Variants in ACAA2 observed in about 807,000 individuals in gnomAD.
The protein encoded by ACAA2 is acetyl-CoA acyltransferase 2, also known as 3-ketoacyl-CoA thiolase, mitochondrial.
Under a neutral mutation model 44.8 loss-of-function variants are expected in ACAA2, and 35 were observed. The observed-to-expected ratio is 0.78, with a 90% CI of 0.60 to 1.04. ACAA2 has a LOEUF of 1.04. Among genes scored for constraint, ACAA2 ranks in the 50% least tolerant of loss-of-function variants. The pLI is 0.00. For synonymous variants in ACAA2, 142 were observed against 166.5 expected (o/e 0.85, Z 1.13); for missense variants, 468 against 482.6 (o/e 0.97, Z 0.28).
chr18:49,787,996 G>GGAAGGTTTTATGAAGTA (rs1457443341), intron 7 of ACAA2, among the ~76,000 whole-genome samples: 2 of 152,108 alleles, frequency 1.3e-5, no homozygotes, highest in Non-Finnish European at 2.9e-5. Flanking sequence ...GGCACTTCAG[G>GGAAGGTTTTATGAAGTA]GAAGGTTTTA....
At chr18:49,784,247 T>G (rs1455397873) in intron 9 of ACAA2, among the ~76,000 whole-genome samples, 2 of 152,176 alleles carry the variant, frequency 1.3e-5, no homozygotes, top group African/African-American at 4.8e-5. Flanking sequence ...TTGTGTGTGT[T>G]ACGGGAAAGG....
chr18:49,799,216 C>T (rs1489111537), intron 2 of ACAA2, among the ~76,000 whole-genome samples: 1 of 152,096 alleles, frequency 6.6e-6, no homozygotes, highest in Non-Finnish European at 1.5e-5. Context: ...ACAGCTCTCC[C>T]TCTCCCCCTC....
At position 49,811,113 on chromosome 18, in the gene ACAA2, G is replaced by A. The variant is rs117907023; in HGVS notation, c.16+2356C>T. ...CTCATTTGAACACCCTGAAAATTCA[G>A]AGGCTAAAAATTTCCCAAAACTGAA... On this transcript the variant is annotated intron_variant, in intron 1 of 9. Transcript: ENST00000285093. Among the ~76,000 whole-genome samples, 1,168 of 151,040 alleles carry A rather than the reference G, an allele frequency of 7.7e-3. 9 individuals carry two copies. The highest frequency in any genetic ancestry group is 0.014 in the Non-Finnish European group (923 of 67,828).
intron 5 of ACAA2, among the ~76,000 whole-genome samples, chr18:49,793,874 C>T (rs1265208073): frequency 6.6e-6 from 1 of 152,082 alleles, no homozygotes; most frequent in Non-Finnish European, 1.5e-5. Context: ...TGGGTCTTTT[C>T]CAAATACATT....
chr18:49,789,180 T>TC lies in ACAA2; in HGVS notation c.884-1820dup, dbSNP rs1288540896. Among the ~76,000 whole-genome samples the TC allele has an allele frequency of 1.8e-4, 27 of 151,894 alleles. No individual in the cohort carries two copies. In the South Asian group the frequency reaches 2.7e-3, roughly 15 times the overall value. On this transcript the variant is annotated intron_variant, in intron 7 of 9. Transcript: ENST00000285093. ...TACTATTCTTTTCAAGTCATGGCTT[T>TC]CCCCGTTTTTTTTTGGTCTGCAGCT...
In ACAA2 at chr18:49,783,848, C is replaced by G. The variant is rs749234729; in HGVS notation, c.1193G>C (p.Ter398SerextTer4). 1 of 1,612,778 alleles carries G rather than the reference C, an allele frequency of 6.2e-7. No homozygotes were observed. Among genetic ancestry groups the G allele is most frequent in the Admixed American group, 1.7e-5 (1 of 60,020 alleles). Residue 398 changes from the stop codon to serine (S), a stop_lost, in exon 10 of 10, where the codon TGA (stop) becomes TCA (serine). Coordinates refer to ENST00000285093, the MANE Select transcript of ACAA2 (RefSeq NM_006111.3). ...GIAVIIQSTA[*>S] ...GTCACAGTGAGCTCACTGGTCTCTT[C>G]AGGCTGTGCTCTGAATGATGACAGC...
chr18:49,800,770 C>G (rs2023537823), intron 2 of ACAA2, among the ~76,000 whole-genome samples: 1 of 151,952 alleles, frequency 6.6e-6, no homozygotes, highest in Non-Finnish European at 1.5e-5. Flanking sequence ...CAGAAGGCCG[C>G]AGGGTCCTCT....
rs760617913 is a variant in ACAA2, at chr18:49,795,797, G to A, written c.397C>T (p.Arg133Cys). 10 of 1,608,236 alleles carry A rather than the reference G, an allele frequency of 6.2e-6. No individual in the cohort carries two copies. The highest frequency in any genetic ancestry group is 2.2e-5 in the East Asian group (1 of 44,648). Residue 133 changes from arginine (R) to cysteine (C), a missense_variant, in exon 4 of 10, where the codon CGT becomes TGT. By Grantham distance (180) the Arg-to-Cys change is radical. Coordinates refer to ENST00000285093, the MANE Select transcript of ACAA2 (RefSeq NM_006111.3). ...SQAPYCVRNV[R>C]FGTKLGSDIK... ...TCTGATCCAAGCTTGGTTCCAAAACGCACATTTCTGACACAGTAGGGAGCT... is the reference window on the plus strand; with the variant it reads ...TCTGATCCAAGCTTGGTTCCAAAACACACATTTCTGACACAGTAGGGAGCT...
At chr18:49,790,105 C>T (rs1253458963) in intron 7 of ACAA2, among the ~76,000 whole-genome samples, 1 of 152,178 alleles carries the variant, frequency 6.6e-6, no homozygotes, top group Non-Finnish European at 1.5e-5. Flanking sequence ...GCCATAACAA[C>T]ATACGGATGT....
chr18:49,808,957 G>A (rs571355106), intron 1 of ACAA2, among the ~76,000 whole-genome samples: 3 of 152,246 alleles, frequency 2.0e-5, no homozygotes, highest in Admixed American at 1.3e-4. Flanking sequence ...CAGGAGACCA[G>A]GGGGTATTTC....
chr18:49,790,709 C>T (rs1433715687), intron 7 of ACAA2, among the ~76,000 whole-genome samples: 1 of 152,110 alleles, frequency 6.6e-6, no homozygotes, highest in African/African-American at 2.4e-5. Flanking sequence ...GGAGTGCATC[C>T]AGCAAAAAGC....
chr18:49,805,752 T>A (rs191289617), intron 1 of ACAA2, among the ~76,000 whole-genome samples: 1 of 151,572 alleles, frequency 6.6e-6, no homozygotes, highest in Non-Finnish European at 1.5e-5. Context: ...AATTTTTACC[T>A]TTTTTTCTTT....
chr18:49,798,562 G>T (rs972864847), intron 2 of ACAA2, among the ~76,000 whole-genome samples: 1 of 151,604 alleles, frequency 6.6e-6, no homozygotes, highest in Non-Finnish European at 1.5e-5. Flanking sequence ...TTGACAAAAT[G>T]TAAAACATTG....
chr18:49,805,875 G>A (rs2023605481), intron 1 of ACAA2, among the ~76,000 whole-genome samples: 1 of 151,998 alleles, frequency 6.6e-6, no homozygotes, highest in Non-Finnish European at 1.5e-5. Flanking sequence ...ATAGGCATGA[G>A]CTACTGCACC....
intron 7 of ACAA2, among the ~76,000 whole-genome samples, chr18:49,789,674 T>C (rs1371849003): frequency 6.6e-6 from 1 of 152,170 alleles, no homozygotes; most frequent in Non-Finnish European, 1.5e-5. Context: ...TCTAGGTGTA[T>C]GCAGGAAAAA....
intron 1 of ACAA2, among the ~76,000 whole-genome samples, chr18:49,812,562 G>A (rs547078743): frequency 6.6e-6 from 1 of 152,140 alleles, no homozygotes; most frequent in South Asian, 2.1e-4. Context: ...ACGAGTCAAA[G>A]CCATCATTTG....
intron 7 of ACAA2, among the ~76,000 whole-genome samples, chr18:49,791,071 C>T (rs562798137): frequency 2.6e-5 from 4 of 152,312 alleles, no homozygotes; most frequent in African/African-American, 7.2e-5. Flanking sequence ...CAAGGAGCTG[C>T]GATACCACCT....
In ACAA2 at chr18:49,797,376, CCTAAAG is replaced by C. The variant is rs1253229370; in HGVS notation, c.312+84_312+89del. 9 of 1,265,070 alleles carry C rather than the reference CCTAAAG, an allele frequency of 7.1e-6. No individual in the cohort carries two copies. The Middle Eastern group carries it at 1.1e-3, about 161-fold the overall frequency. The allele number at this position is 1,265,070 out of a possible 1,614,324, so 78.4% of individuals were successfully genotyped here. On this transcript the variant is annotated intron_variant, in intron 3 of 9. Transcript: ENST00000285093. ...GACCTCCAGGGCTCAAGCAATCCTC[CCTAAAG>C]CTAAAGTGTTATATTGCAGTGGGAC...
chr18:49,809,343 T>C (rs1267430427), intron 1 of ACAA2, among the ~76,000 whole-genome samples: 1 of 152,148 alleles, frequency 6.6e-6, no homozygotes, highest in African/African-American at 2.4e-5. Flanking sequence ...GATAACGGGA[T>C]TAAGAGATTA....
Sources: gnomAD v4.1 joint callset for allele counts (sites outside exome capture counted in the v4.1 genomes callset) on GRCh38, gnomAD v4.1.1 for gene constraint, MANE v1.5 for transcripts, NCBI Gene and HGNC (gene_info 2026-07-23, HGNC 2026-07-21) for gene names.